Variants in EEA1 observed in about 807,000 individuals in gnomAD.
EEA1 encodes the protein early endosome antigen 1, 162kD.
EEA1 carries 111 observed loss-of-function variants against 209.2 expected under a neutral mutation model. The observed-to-expected ratio is 0.53, with a 90% CI of 0.45 to 0.62. EEA1 has a LOEUF of 0.62. Ranked by LOEUF, EEA1 falls within the 20% of genes least tolerant of loss-of-function variation. The pLI, the probability that EEA1 is intolerant of heterozygous loss-of-function variation, is 0.00. For synonymous variants in EEA1, 536 were observed against 540.6 expected (o/e 0.99, Z 0.12); for missense variants, 1,343 against 1,530.8 (o/e 0.88, Z 2.05).
At position 92,834,546 on chromosome 12, in the gene EEA1, T is replaced by TAAAAAAAAAAAAAAAAAAA. The variant is rs5800089; in HGVS notation, c.916-1715_916-1697dup. The stretch of plus-strand genomic sequence containing the variant: ...GGCAACAAGGGCAAGACCCTGTCAC[T>TAAAAAAAAAAAAAAAAAAA]AAAAAAAAAAAAAAAAAAAAAAAGA... On this transcript the variant is annotated intron_variant, in intron 10 of 28. Coordinates refer to ENST00000322349, the MANE Select transcript of EEA1 (RefSeq NM_003566.4). Among the ~76,000 whole-genome samples the TAAAAAAAAAAAAAAAAAAA allele has an allele frequency of 1.2e-4, 9 of 74,430 alleles. 4 individuals are homozygous for TAAAAAAAAAAAAAAAAAAA. The highest frequency in any genetic ancestry group is 9.5e-5 in the Non-Finnish European group (4 of 41,984). The allele number at this position is 74,430 out of a possible 152,430, so 48.8% of individuals were successfully genotyped here. A position where few individuals can be genotyped will look rare whatever the true frequency, so the allele number is the denominator to read the frequency against.
chr12:92,834,709 C>T (rs932418898), intron 10 of EEA1, among the ~76,000 whole-genome samples: 31 of 152,018 alleles, frequency 2.0e-4, no homozygotes, highest in Admixed American at 1.8e-3. Flanking sequence ...AAGAAAATCA[C>T]AGAACAAAAA....
At chr12:92,922,346 T>C (rs1696006232) in intron 1 of EEA1, among the ~76,000 whole-genome samples, 1 of 152,340 alleles carries the variant, frequency 6.6e-6, no homozygotes, top group East Asian at 1.9e-4. Context: ...ATCCCTCTTA[T>C]TGAAAATCAA....
chr12:92,912,804 T>C (rs1447567255), intron 1 of EEA1, among the ~76,000 whole-genome samples: 1 of 152,206 alleles, frequency 6.6e-6, no homozygotes, highest in Non-Finnish European at 1.5e-5. Flanking sequence ...TATTTCACTT[T>C]GTTTCTGAGT....
chr12:92,898,214 C>T (rs1245843904), intron 1 of EEA1, among the ~76,000 whole-genome samples: 1 of 152,122 alleles, frequency 6.6e-6, no homozygotes, highest in East Asian at 1.9e-4. Context: ...TAAGATTAAA[C>T]TTTTATTTTA....
At chr12:92,869,038 T>C (rs1411470471) in intron 2 of EEA1, among the ~76,000 whole-genome samples, 1 of 152,186 alleles carries the variant, frequency 6.6e-6, no homozygotes, top group African/African-American at 2.4e-5. Flanking sequence ...CCATCATTCA[T>C]TTAAAATAAA....
chr12:92,925,293 C>T (rs76563076), intron 1 of EEA1, among the ~76,000 whole-genome samples: 3 of 152,118 alleles, frequency 2.0e-5, no homozygotes, highest in Non-Finnish European at 2.9e-5. Flanking sequence ...TGGCTCACTG[C>T]AACCTCTGCC....
At chr12:92,801,506 GCCC>G (rs1372558289) in intron 20 of EEA1, 91 bp downstream of exon 20, 42 of 746,360 alleles carry the variant, frequency 5.6e-5, no homozygotes, top group East Asian at 2.0e-4. Flanking sequence ...CTGTGGAAAT[GCCC>G]CCAAGAACAA....
Position 92,851,047 on chromosome 12 carries a change from C to T in EEA1, c.798+64G>A, listed in dbSNP as rs533018521. The T allele has an allele frequency of 3.5e-6, 5 of 1,441,194 alleles. No homozygotes were observed. In the South Asian group the frequency reaches 6.1e-5, roughly 18 times the overall value. 89.3% of individuals were successfully genotyped at this position (1,441,194 alleles called of 1,614,324 possible). ...TCAGAAAAATCTCAAATCCTGGCTT[C>T]ACTCAATAGTATACACTACACAAGC... On this transcript the variant is annotated intron_variant, in intron 9 of 28. Transcript: ENST00000322349.
chr12:92,810,782 C>T (rs192131873), intron 17 of EEA1, among the ~76,000 whole-genome samples: 2 of 152,098 alleles, frequency 1.3e-5, no homozygotes, highest in Admixed American at 6.5e-5. Context: ...TAAATCAACA[C>T]ATTCATATGG....
Position 92,779,276 on chromosome 12 carries a change from T to G in EEA1, c.3493A>C (p.Lys1165Gln). The G allele has an allele frequency of 6.2e-7, 1 of 1,601,266 alleles. No individual in the cohort carries two copies. The highest frequency in any genetic ancestry group is 8.5e-7 in the Non-Finnish European group (1 of 1,176,794). Reference sequence around the variant, plus strand: ...AATTTCTGCTGAATTAGAAGCTGTTTAGCATCTTTAAGATTTGTTATCTCC... The same window carrying G: ...AATTTCTGCTGAATTAGAAGCTGTTGAGCATCTTTAAGATTTGTTATCTCC... ...IKEITNLKDA[K>Q]QLLIQQKLEL... Residue 1165 changes from lysine to glutamine, a missense_variant, in exon 25 of 29, where the codon AAA (lysine) becomes CAA (glutamine). By Grantham distance (53) the Lys-to-Gln change is moderately conservative (BLOSUM62 1). This residue lies in a region of EEA1 where 1,307 missense variants were observed against 1,465.5 expected (regional missense o/e 0.89). Transcript: ENST00000322349.
chr12:92,850,030 CATATT>C, intron 9 of EEA1, among the ~76,000 whole-genome samples: 1 of 152,192 alleles, frequency 6.6e-6, no homozygotes, highest in Admixed American at 6.5e-5. Flanking sequence ...TAAATGCTGA[CATATT>C]ATACAAGGGA....
At chr12:92,890,617 G>A (rs1879621291) in intron 2 of EEA1, among the ~76,000 whole-genome samples, 2 of 151,924 alleles carry the variant, frequency 1.3e-5, no homozygotes, top group African/African-American at 4.8e-5. Flanking sequence ...TTCTGATTGA[G>A]GTCAACTAAA....
At chr12:92,788,870 T>C (rs1222797930) in intron 21 of EEA1, among the ~76,000 whole-genome samples, 1 of 152,212 alleles carries the variant, frequency 6.6e-6, no homozygotes, top group East Asian at 1.9e-4. Context: ...GTTCTCTTCC[T>C]ACCTTACTGG....
intron 11 of EEA1, among the ~76,000 whole-genome samples, chr12:92,830,911 G>A (rs879577158): frequency 6.6e-6 from 1 of 152,182 alleles, no homozygotes; most frequent in Non-Finnish European, 1.5e-5. Flanking sequence ...ATCAGTTAAC[G>A]GTTGTTACAG....
At chr12:92,781,849 A>G (rs1028295761) in intron 23 of EEA1, 101 bp downstream of exon 23, 2 of 1,055,230 alleles carry the variant, frequency 1.9e-6, no homozygotes, top group Admixed American at 2.8e-5. Context: ...GAGCTGTTGA[A>G]AATAAGGATG....
At chr12:92,778,319 T>C (rs1440898480) in intron 25 of EEA1, 140 bp from the exon 26 acceptor site, 1 of 663,242 alleles carries the variant, frequency 1.5e-6, no homozygotes, top group East Asian at 2.7e-5. Flanking sequence ...TACACATTAA[T>C]AAAACTGATT....
At position 92,832,699 on chromosome 12, in the gene EEA1, G is replaced by C; in HGVS notation, c.1067C>G (p.Ser356Cys). ...CQQLQSRLSASETSLHRIHVE... is the reference protein window; with the variant it reads ...CQQLQSRLSACETSLHRIHVE... ...ATGTATTCTATGCAGTGAGGTTTCA[G>C]ATGCAGACAATCTTGACTGAAGCTG... Residue 356 changes from serine (S) to cysteine (C), a missense_variant, in exon 11 of 29, where the codon TCT (serine) becomes TGT (cysteine). Ser to Cys is a moderately radical substitution (Grantham distance 112, BLOSUM62 -1). Transcript: ENST00000322349. The C allele has an allele frequency of 6.2e-7, 1 of 1,613,980 alleles. No homozygotes were observed. The highest frequency in any genetic ancestry group is 8.5e-7 in the Non-Finnish European group (1 of 1,179,966).
In EEA1 at chr12:92,819,406, T is replaced by C. The variant is rs771277488; in HGVS notation, c.1630A>G (p.Lys544Glu). 1 of 1,612,886 alleles carries C rather than the reference T, an allele frequency of 6.2e-7. No individual in the cohort carries two copies. The highest frequency in any genetic ancestry group is 1.7e-5 in the Admixed American group (1 of 59,946). Residue 544 changes from lysine (K) to glutamate (E), a missense_variant, in exon 14 of 29, where the codon AAA becomes GAA. Coordinates refer to ENST00000322349, the MANE Select transcript of EEA1 (RefSeq NM_003566.4). ...TTTGCATAAAGATCTTCTCTTTCTTTTTCTAGTAATGAAATATTTTCTTTA... is the reference window on the plus strand; with the variant it reads ...TTTGCATAAAGATCTTCTCTTTCTTCTTCTAGTAATGAAATATTTTCTTTA... ...KSKENISLLE[K>E]EREDLYAKIQ...
rs116286792 is a variant in EEA1 at position 92,845,629 on chromosome 12, A to G, written c.799-3048T>C. Among the ~76,000 whole-genome samples the G allele has an allele frequency of 6.7e-3, 1,023 of 152,208 alleles. 19 individuals are homozygous for G. Among genetic ancestry groups the G allele is most frequent in the African/African-American group, 0.023 (943 of 41,540 alleles). Reference sequence around the variant, plus strand: ...CATGAGATCTTCCCCGACAACTCTAAAACTGTTCTAAAGTATTCCCACTTC... The same window carrying G: ...CATGAGATCTTCCCCGACAACTCTAGAACTGTTCTAAAGTATTCCCACTTC... On this transcript the variant is annotated intron_variant, in intron 9 of 28. Transcript: ENST00000322349.
Sources: gnomAD v4.1 joint callset for allele counts (sites outside exome capture counted in the v4.1 genomes callset) on GRCh38, gnomAD v4.1.1 for gene constraint, gnomAD v4.1.1 regional missense constraint, MANE v1.5 for transcripts, NCBI Gene and HGNC (gene_info 2026-07-23, HGNC 2026-07-21) for gene names.